Variants in OSBPL8 observed in about 807,000 individuals in gnomAD.
The protein encoded by OSBPL8 is oxysterol-binding protein-related protein 8.
Under a neutral mutation model 125.5 loss-of-function variants are expected in OSBPL8, and 59 were observed. The observed-to-expected ratio is 0.47, with a 90% confidence interval of 0.38 to 0.58. The LOEUF (loss-of-function observed/expected upper bound fraction) is 0.58, where lower values mean the gene tolerates loss of function less well. OSBPL8 is among the 20% of genes least tolerant of loss of function. OSBPL8 has a pLI of 0.00. For missense variants in OSBPL8, 758 were observed against 1,047.8 expected (o/e 0.72, Z 3.82); for synonymous variants, 330 against 338.9 (o/e 0.97, Z 0.29).
At chr12:76,378,663 G>C in intron 15 of OSBPL8, 113 bp from the exon 16 acceptor site, 1 of 703,232 alleles carries the variant, frequency 1.4e-6, no homozygotes, top group Non-Finnish European at 2.4e-6. Context: ...TCTTAAAAAT[G>C]TCTCAATCTC....
In OSBPL8 at chr12:76,407,306, C is replaced by G. The variant is rs149457299; in HGVS notation, c.288+3258G>C. Among the ~76,000 whole-genome samples, 324 of 152,290 alleles carry G rather than the reference C, an allele frequency of 2.1e-3. 2 individuals carry two copies. The highest frequency in any genetic ancestry group is 7.4e-3 in the African/African-American group (307 of 41,558). Reference sequence around the variant, plus strand: ...TCACTTTGTCTCTCAGGCCAGAGTGCAGTGGCGCAAACATGGCTCACTTTC... The same window carrying G: ...TCACTTTGTCTCTCAGGCCAGAGTGGAGTGGCGCAAACATGGCTCACTTTC... On this transcript the variant is annotated intron_variant, in intron 5 of 23. Transcript: ENST00000261183.
At chr12:76,473,947 G>C (rs1326921070) in intron 2 of OSBPL8, among the ~76,000 whole-genome samples, 1 of 152,138 alleles carries the variant, frequency 6.6e-6, no homozygotes, top group African/African-American at 2.4e-5. Flanking sequence ...AAGGCATTTT[G>C]AATAGCTGGC....
intron 10 of OSBPL8, among the ~76,000 whole-genome samples, chr12:76,391,957 C>G (rs903680076): frequency 3.9e-5 from 6 of 152,242 alleles, no homozygotes; most frequent in Admixed American, 3.9e-4. Context: ...ATAGAAAAGT[C>G]TAATGTTTTT....
At chr12:76,481,299 T>C (rs1270716727) in intron 2 of OSBPL8, among the ~76,000 whole-genome samples, 1 of 152,186 alleles carries the variant, frequency 6.6e-6, no homozygotes, top group Admixed American at 6.5e-5. Context: ...TTTAAAGAAG[T>C]GCTATTGTAC....
chr12:76,511,911 G>A (rs1881037138), intron 1 of OSBPL8, among the ~76,000 whole-genome samples: 1 of 152,112 alleles, frequency 6.6e-6, no homozygotes, highest in African/African-American at 2.4e-5. Context: ...ATGGTGTAAG[G>A]GGTCCAGCTC....
In OSBPL8 at chr12:76,390,428, G is replaced by C; in HGVS notation, c.1159C>G (p.Leu387Val). 1 of 1,604,842 alleles carries C rather than the reference G, an allele frequency of 6.2e-7. No homozygotes were observed. The highest frequency in any genetic ancestry group is 1.1e-5 in the South Asian group (1 of 88,972). The change falls in exon 11 of 24, where the codon CTT (leucine) becomes GTT (valine). Residue 387 changes from leucine to valine, a missense_variant. Transcript: ENST00000261183. ...TTYTEQSHEE[L>V]GEAGEASQTE... The stretch of plus-strand genomic sequence containing the variant: ...AAATAGCAGACTTTTACCTCTCCAA[G>C]TTCTTCATGGCTCTGTTCAGTGTAG...
intron 3 of OSBPL8, among the ~76,000 whole-genome samples, chr12:76,456,250 T>C (rs1453136151): frequency 6.6e-6 from 1 of 152,218 alleles, no homozygotes; most frequent in Non-Finnish European, 1.5e-5. Flanking sequence ...ATACATTTCT[T>C]AAATACTCCA....
At chr12:76,380,528 CAAAAAA>C (rs3038514) in intron 15 of OSBPL8, among the ~76,000 whole-genome samples, 1 of 89,274 alleles carries the variant, frequency 1.1e-5, no homozygotes, top group Non-Finnish European at 2.1e-5. Flanking sequence ...GACACTGTCC[CAAAAAA>C]AAAAAAAAAA....
chr12:76,535,014 A>G (rs1206355651), intron 1 of OSBPL8, among the ~76,000 whole-genome samples: 1 of 152,186 alleles, frequency 6.6e-6, no homozygotes, highest in Non-Finnish European at 1.5e-5. Flanking sequence ...ACAAATCTAA[A>G]TACAAAAGCC....
intron 2 of OSBPL8, among the ~76,000 whole-genome samples, chr12:76,485,869 A>T (rs1040406008): frequency 1.3e-5 from 2 of 152,202 alleles, no homozygotes; most frequent in Non-Finnish European, 2.9e-5. Context: ...ACAGCAACTG[A>T]TATTTTTAAT....
At chr12:76,440,722 C>A (rs1169598237) in intron 4 of OSBPL8, among the ~76,000 whole-genome samples, 1 of 152,104 alleles carries the variant, frequency 6.6e-6, no homozygotes, top group Non-Finnish European at 1.5e-5. Context: ...TAACTAAGTA[C>A]GTTACCCTTC....
At chr12:76,511,727 A>G (rs778276222) in intron 1 of OSBPL8, among the ~76,000 whole-genome samples, 2 of 152,222 alleles carry the variant, frequency 1.3e-5, no homozygotes, top group Non-Finnish European at 2.9e-5. Context: ...TCTTAAGCTT[A>G]ATTAGATCCC....
intron 1 of OSBPL8, among the ~76,000 whole-genome samples, chr12:76,536,816 C>CA (rs36035843): frequency 0.016 from 1,421 of 90,970 alleles, 15 homozygotes; most frequent in African/African-American, 0.028. Context: ...ATAGGAGTAT[C>CA]AAAAAAAAAA....
chr12:76,370,909 T>C (rs2136195217), intron 19 of OSBPL8, among the ~76,000 whole-genome samples: 1 of 152,328 alleles, frequency 6.6e-6, no homozygotes, highest in South Asian at 2.1e-4. Context: ...AAATAGGGAA[T>C]GTGTATACAA....
intron 7 of OSBPL8, 71 bp downstream of exon 7, chr12:76,399,802 A>G: frequency 8.2e-7 from 1 of 1,221,914 alleles, no homozygotes; most frequent in South Asian, 1.6e-5. Context: ...GGCGTTAGGT[A>G]TACTCCAGGC....
intron 5 of OSBPL8, among the ~76,000 whole-genome samples, chr12:76,403,588 C>A (rs1246271053): frequency 6.6e-6 from 1 of 152,176 alleles, no homozygotes; most frequent in African/African-American, 2.4e-5. Context: ...GTTAAAAGCT[C>A]TATTTATTTT....
At chr12:76,528,254 G>A (rs1486756780) in intron 1 of OSBPL8, among the ~76,000 whole-genome samples, 2 of 151,008 alleles carry the variant, frequency 1.3e-5, no homozygotes, top group African/African-American at 2.4e-5. Flanking sequence ...TGGGACCTGG[G>A]AGGCGGAGGC....
chr12:76,438,940 G>A (rs1871839385), intron 4 of OSBPL8, among the ~76,000 whole-genome samples: 1 of 152,092 alleles, frequency 6.6e-6, no homozygotes, highest in Admixed American at 6.5e-5. Flanking sequence ...GTCCTTGCCT[G>A]CTTCTCATAT....
rs542164612 is a variant in OSBPL8, at chr12:76,473,045, G to A, written c.43-13150C>T. On this transcript the variant is annotated intron_variant, in intron 2 of 23. Transcript: ENST00000261183. ...AACGGGCGTCTTTCCAGATGCTGGC[G>A]TTACCACTAGACCAAGGAGCCCTCT... is the stretch of plus-strand genomic sequence containing the variant. 1.6e-4 allele frequency among the ~76,000 whole-genome samples: 25 copies of A among 152,216 alleles called. No individual in the cohort carries two copies. In the South Asian group the frequency reaches 3.7e-3, roughly 23 times the overall value.
Sources: allele counts gnomAD v4.1 joint callset (sites outside exome capture counted in the v4.1 genomes callset), GRCh38; gene constraint gnomAD v4.1.1; transcripts MANE v1.5; gene names NCBI Gene and HGNC (gene_info 2026-07-23, HGNC 2026-07-21).